RIC3: variants seen among roughly 807,000 people sequenced by gnomAD.
RIC3 encodes the protein protein RIC-3.
A neutral mutation model predicts 27.3 loss-of-function variants in RIC3; 28 were observed. The ratio of observed to expected loss-of-function variants is 1.02; its 90% CI spans 0.76 to 1.41. The LOEUF is 1.41. Among genes scored for constraint, RIC3 ranks in the 40% most tolerant of loss-of-function variants. The probability of loss-of-function intolerance (pLI) is 0.00; values close to 1 mark genes in which losing one functional copy is unlikely to be tolerated. For synonymous variants in RIC3, 184 were observed against 160.4 expected, an observed-to-expected ratio of 1.15 and a Z score of -1.11; for missense variants, 501 against 444.7, an observed-to-expected ratio of 1.13 and a Z score of -1.14.
Position 8,106,113 on chromosome 11 carries a change from T to G in RIC3, c.*4585A>C, listed in dbSNP as rs1353866210. On this transcript the variant is annotated 3_prime_UTR_variant, in exon 6 of 6. Transcript: ENST00000309737. ...ATAAACTTTGGTATTCTGGAGCAAA[T>G]GTATTTATTTATTGGTATGTGCAAT... is the stretch of plus-strand genomic sequence containing the variant. 1 of 151,784 alleles carries G rather than the reference T, an allele frequency of 6.6e-6. No individual in the cohort carries two copies. The highest frequency in any genetic ancestry group is 1.5e-5 in the Non-Finnish European group (1 of 67,712). The allele number at this position is 151,784 out of a possible 1,614,324, so 9.4% of individuals were successfully genotyped here. A position where few individuals can be genotyped will look rare whatever the true frequency, so the allele number is the denominator to read the frequency against.
chr11:8,097,639 CT>C, the RIC3 span: 1 of 1,383,210 alleles, frequency 7.2e-7, no homozygotes, highest in Non-Finnish European at 1.0e-6. Flanking sequence ...CGGAGAGAGT[CT>C]GTGTGAGTGG....
At chr11:8,096,747 T>A in the RIC3 span, 2 of 1,614,050 alleles carry the variant, frequency 1.2e-6, no homozygotes, top group Non-Finnish European at 1.7e-6. Flanking sequence ...TAGCTCCAGC[T>A]CCTCCCAGCT....
At chr11:8,155,916 T>C (rs1010890665) in intron 1 of RIC3, among the ~76,000 whole-genome samples, 1 of 152,208 alleles carries the variant, frequency 6.6e-6, no homozygotes, top group East Asian at 1.9e-4. Flanking sequence ...AGACAATAGC[T>C]GTTTCTTCCT....
chr11:8,146,322 A>G (rs1197348309), intron 1 of RIC3, among the ~76,000 whole-genome samples: 1 of 152,242 alleles, frequency 6.6e-6, no homozygotes, highest in Non-Finnish European at 1.5e-5. Context: ...AAACACACAC[A>G]TAACGATATT....
chr11:8,113,434 G>T (rs149788292), intron 5 of RIC3, among the ~76,000 whole-genome samples: 1 of 151,928 alleles, frequency 6.6e-6, no homozygotes, highest in Non-Finnish European at 1.5e-5. Flanking sequence ...TACAGACTCC[G>T]GGCCCACCCA....
At chr11:8,118,920 C>T (rs574517792) in intron 5 of RIC3, among the ~76,000 whole-genome samples, 8 of 150,230 alleles carry the variant, frequency 5.3e-5, no homozygotes, top group Non-Finnish European at 1.2e-4. Context: ...GGCTGAAAAC[C>T]AAATTAGTAT....
At position 8,137,367 on chromosome 11, in the gene RIC3, T is replaced by C. The variant is rs111370836; in HGVS notation, c.521+11A>G. ...GAGAAATAGTCTGAGTCCCGTTACA[T>C]GAAAACCTACCTCTCACCATTAGGT... is the stretch of plus-strand genomic sequence containing the variant. On this transcript the variant is annotated intron_variant, in intron 4 of 5. Transcript: ENST00000309737. 4.5e-3 allele frequency: 7,253 copies of C among 1,609,438 alleles called. 289 individuals are homozygous for C. In the African/African-American group the frequency reaches 0.083, roughly 18 times the overall value.
At chr11:8,102,511 C>T (rs1361870978), downstream of RIC3, 2 of 152,264 alleles carry the variant, frequency 1.3e-5, no homozygotes, top group Non-Finnish European at 2.9e-5. Context: ...GTCCAGGTCA[C>T]CAGCCTGACT....
chr11:8,139,229 G>C (rs777333547), intron 2 of RIC3: 1 of 152,428 alleles, frequency 6.6e-6, no homozygotes, highest in Non-Finnish European at 1.5e-5. Flanking sequence ...AACTCAGACT[G>C]CCTGCAGAAT....
At chr11:8,155,922 T>A (rs1232846658) in intron 1 of RIC3, among the ~76,000 whole-genome samples, 1 of 152,194 alleles carries the variant, frequency 6.6e-6, no homozygotes, top group African/African-American at 2.4e-5. Context: ...TAGCTGTTTC[T>A]TCCTCACCGG....
At chr11:8,133,917 A>C (rs1948043429) in intron 4 of RIC3, among the ~76,000 whole-genome samples, 1 of 151,902 alleles carries the variant, frequency 6.6e-6, no homozygotes, top group Non-Finnish European at 1.5e-5. Context: ...CTCTTACCCC[A>C]AGCTCCAGGA....
rs761977272 is a variant in RIC3, at chr11:8,114,042, C to T, written c.671-2905G>A. On this transcript the variant is annotated intron_variant, in intron 5 of 5. Coordinates refer to ENST00000309737, the MANE Select transcript of RIC3 (RefSeq NM_001206671.4). ...GATCCAGGCTTCAACCCCAACCCCA[C>T]GGACTCAACACCAGGCCACCCTGCC... Among the ~76,000 whole-genome samples, 6 of 152,184 alleles carry T rather than the reference C, an allele frequency of 3.9e-5. No homozygotes were observed. The East Asian group carries it at 5.8e-4, about 15-fold the overall frequency.
intron 1 of RIC3, among the ~76,000 whole-genome samples, chr11:8,147,046 C>G (rs562554563): frequency 6.6e-6 from 1 of 152,196 alleles, no homozygotes; most frequent in Non-Finnish European, 1.5e-5. Context: ...CTCACTGAGA[C>G]AGATGCATAT....
downstream of RIC3, chr11:8,102,328 A>T: frequency 6.6e-6 from 1 of 152,192 alleles, no homozygotes; most frequent in East Asian, 1.9e-4. Context: ...CAGAGGCAGT[A>T]GGAACCCAGC....
intron 1 of RIC3, among the ~76,000 whole-genome samples, chr11:8,165,463 CA>C (rs1018839098): frequency 3.3e-5 from 5 of 151,946 alleles, no homozygotes. Context: ...TCATTTATAC[CA>C]AATGTCCAGA....
intron 1 of RIC3, among the ~76,000 whole-genome samples, chr11:8,147,990 G>A (rs758905378): frequency 3.3e-5 from 5 of 152,118 alleles, no homozygotes; most frequent in Non-Finnish European, 7.4e-5. Flanking sequence ...CTCCCAAAGT[G>A]CTGGGATTAC....
At chr11:8,115,665 G>A (rs550356044) in intron 5 of RIC3, among the ~76,000 whole-genome samples, 22 of 152,236 alleles carry the variant, frequency 1.4e-4, no homozygotes, top group South Asian at 2.1e-4. Flanking sequence ...AAATTAGCTC[G>A]GCATGGTGGT....
chr11:8,117,904 T>G (rs1946028289), intron 5 of RIC3, among the ~76,000 whole-genome samples: 2 of 152,124 alleles, frequency 1.3e-5, no homozygotes, highest in South Asian at 4.1e-4. Context: ...GTAGCCTATG[T>G]AAGCCATCAT....
chr11:8,157,065 T>A (rs2134208021), intron 1 of RIC3, among the ~76,000 whole-genome samples: 1 of 152,308 alleles, frequency 6.6e-6, no homozygotes, highest in South Asian at 2.1e-4. Context: ...ACAGATAAGT[T>A]GTGGTGTTCT....
Sources: gnomAD v4.1 joint callset for allele counts (sites outside exome capture counted in the v4.1 genomes callset) on GRCh38, gnomAD v4.1.1 for gene constraint, MANE v1.5 for transcripts, NCBI Gene and HGNC (gene_info 2026-07-23, HGNC 2026-07-21) for gene names.